Variants in GUCY1A2 observed in about 807,000 individuals in gnomAD.
The protein encoded by GUCY1A2 is guanylate cyclase soluble subunit alpha-2.
GUCY1A2 carries 27 observed loss-of-function variants against 63.5 expected under a neutral mutation model. The observed-to-expected ratio is 0.43, with a 90% confidence interval of 0.31 to 0.59. The LOEUF is 0.59. Ranked by LOEUF, GUCY1A2 falls within the 20% of genes least tolerant of loss-of-function variation. GUCY1A2 has a pLI of 0.11. For missense variants in GUCY1A2, 768 were observed against 913.3 expected (o/e 0.84, Z 2.05); for synonymous variants, 364 against 343.5 (o/e 1.06, Z -0.66).
At chr11:106,710,310 C>T in intron 6 of GUCY1A2, among the ~76,000 whole-genome samples, 1 of 6,278 alleles carries the variant, frequency 1.6e-4, no homozygotes, top group African/African-American at 8.6e-4. Flanking sequence ...ATATTATATA[C>T]ATGTATATAA....
Position 106,675,581 on chromosome 11 carries a change from T to G in GUCY1A2, c.*11968A>C. ...ACAACTGTTCAAATTTCATCTTAATTTCTTCTATTTTTCTCAACCATATTT... is the reference window on the plus strand; with the variant it reads ...ACAACTGTTCAAATTTCATCTTAATGTCTTCTATTTTTCTCAACCATATTT... On this transcript the variant is annotated 3_prime_UTR_variant, in exon 8 of 8. Transcript: ENST00000526355. The G allele has an allele frequency of 5.2e-6, 1 of 191,734 alleles. No individual in the cohort carries two copies. Among genetic ancestry groups the G allele is most frequent in the East Asian group, 8.3e-5 (1 of 12,070 alleles). 11.9% of individuals were successfully genotyped at this position (191,734 alleles called of 1,614,324 possible).
intron 4 of GUCY1A2, among the ~76,000 whole-genome samples, chr11:106,879,790 T>C (rs1177874052): frequency 1.3e-5 from 2 of 152,090 alleles, no homozygotes; most frequent in East Asian, 3.9e-4. Context: ...TAGAACCTTG[T>C]TCTCTCTCCA....
intron 3 of GUCY1A2, among the ~76,000 whole-genome samples, chr11:106,940,974 T>C (rs1282121805): frequency 6.6e-6 from 1 of 152,166 alleles, no homozygotes; most frequent in East Asian, 1.9e-4. Flanking sequence ...AAGAAATCTA[T>C]GGCACATGAA....
intron 4 of GUCY1A2, among the ~76,000 whole-genome samples, chr11:106,819,890 A>G (rs909464278): frequency 3.3e-5 from 5 of 152,208 alleles, no homozygotes; most frequent in African/African-American, 1.2e-4. Context: ...CAGAAAGACA[A>G]GTACCCAAAT....
intron 5 of GUCY1A2, among the ~76,000 whole-genome samples, chr11:106,802,035 CT>C (rs1858610793): frequency 6.6e-6 from 1 of 152,116 alleles, no homozygotes; most frequent in African/African-American, 2.4e-5. Context: ...TTTTAAATCA[CT>C]GTTATTAAGT....
At chr11:106,788,627 C>T (rs969554028) in intron 5 of GUCY1A2, among the ~76,000 whole-genome samples, 3 of 152,106 alleles carry the variant, frequency 2.0e-5, no homozygotes, top group Non-Finnish European at 2.9e-5. Flanking sequence ...ATATGCATAT[C>T]CAGTTTTCCC....
At chr11:106,715,314 G>A (rs556714152) in intron 6 of GUCY1A2, among the ~76,000 whole-genome samples, 7 of 152,174 alleles carry the variant, frequency 4.6e-5, no homozygotes, top group South Asian at 2.1e-4. Context: ...TTAGGAGGGC[G>A]GCACAGATCC....
intron 4 of GUCY1A2, among the ~76,000 whole-genome samples, chr11:106,841,029 C>T (rs1859189676): frequency 6.6e-6 from 1 of 151,904 alleles, no homozygotes. Context: ...TAATACCTTT[C>T]TAGTGCTGTA....
intron 4 of GUCY1A2, among the ~76,000 whole-genome samples, chr11:106,866,641 C>T (rs1591307487): frequency 6.6e-6 from 1 of 152,060 alleles, no homozygotes; most frequent in East Asian, 1.9e-4. Flanking sequence ...GACATTTCTC[C>T]CTTAGTTTGC....
chr11:106,704,602 G>A (rs1452672318), intron 7 of GUCY1A2, among the ~76,000 whole-genome samples: 2 of 152,112 alleles, frequency 1.3e-5, no homozygotes, highest in Non-Finnish European at 2.9e-5. Flanking sequence ...AAAACATCTG[G>A]AAGTAGATCA....
chr11:106,816,884 CA>C (rs1858839702), intron 4 of GUCY1A2, among the ~76,000 whole-genome samples: 1 of 150,668 alleles, frequency 6.6e-6, no homozygotes, highest in African/African-American at 2.4e-5. Flanking sequence ...CCCAAACTAC[CA>C]AAACTCAACC....
intron 3 of GUCY1A2, among the ~76,000 whole-genome samples, chr11:106,965,220 T>C (rs567119289): frequency 6.6e-6 from 1 of 152,198 alleles, no homozygotes; most frequent in South Asian, 2.1e-4. Flanking sequence ...TATTCAAATA[T>C]AGCTGCAAGC....
chr11:106,746,758 A>G (rs542771510), intron 6 of GUCY1A2: 13 of 567,744 alleles, frequency 2.3e-5, no homozygotes, highest in East Asian at 9.0e-5. Context: ...TTTATGGCCA[A>G]TGTCACTGAG....
In GUCY1A2 at chr11:106,993,721, A is replaced by G. The variant is rs112962772; in HGVS notation, c.304-7590T>C. On this transcript the variant is annotated intron_variant, in intron 1 of 7. Coordinates refer to ENST00000526355, the MANE Select transcript of GUCY1A2 (RefSeq NM_000855.3). ...CGAAAAACATATGTAAGAAGTATGTAGTTCTCAGGGTCATCTTCAAGTACA... is the reference window on the plus strand; with the variant it reads ...CGAAAAACATATGTAAGAAGTATGTGGTTCTCAGGGTCATCTTCAAGTACA... 3.3e-3 allele frequency among the ~76,000 whole-genome samples: 504 copies of G among 152,342 alleles called. 3 individuals carry two copies. Among genetic ancestry groups the G allele is most frequent in the African/African-American group, 0.012 (484 of 41,594 alleles).
At chr11:106,914,693 AAAAT>A (rs1394980461) in intron 4 of GUCY1A2, among the ~76,000 whole-genome samples, 2 of 152,022 alleles carry the variant, frequency 1.3e-5, no homozygotes, top group East Asian at 3.9e-4. Context: ...ATTACAAGAG[AAAAT>A]AAATAAAGAT....
intron 4 of GUCY1A2, among the ~76,000 whole-genome samples, chr11:106,862,952 T>G (rs1240452176): frequency 6.6e-6 from 1 of 152,106 alleles, no homozygotes; most frequent in Non-Finnish European, 1.5e-5. Flanking sequence ...GGAAGAAAGA[T>G]CTGCCAACTT....
intron 4 of GUCY1A2, among the ~76,000 whole-genome samples, chr11:106,901,082 G>T (rs1327519424): frequency 6.6e-6 from 1 of 152,096 alleles, no homozygotes; most frequent in Non-Finnish European, 1.5e-5. Flanking sequence ...TTCACAATTG[G>T]AGTCAATCCT....
intron 4 of GUCY1A2, among the ~76,000 whole-genome samples, chr11:106,926,209 C>T (rs561341710): frequency 6.6e-5 from 10 of 152,196 alleles, no homozygotes; most frequent in African/African-American, 2.4e-4. Flanking sequence ...CACTTGAGGC[C>T]AGGAGTTCTA....
intron 4 of GUCY1A2, among the ~76,000 whole-genome samples, chr11:106,873,786 G>C (rs908370120): frequency 6.6e-6 from 1 of 152,062 alleles, no homozygotes; most frequent in African/African-American, 2.4e-5. Context: ...GATCCCATTT[G>C]TCAATTTTGG....
Sources: allele counts gnomAD v4.1 joint callset (sites outside exome capture counted in the v4.1 genomes callset), GRCh38; gene constraint gnomAD v4.1.1; transcripts MANE v1.5; gene names NCBI Gene and HGNC (gene_info 2026-07-23, HGNC 2026-07-21).